Variants in LPA observed in about 807,000 individuals in gnomAD.
The protein encoded by LPA is apolipoprotein(a).
A neutral mutation model predicts 197.9 loss-of-function variants in LPA; 199 were observed. That is an observed-to-expected ratio of 1.01 (90% CI 0.90 to 1.13). The LOEUF (loss-of-function observed/expected upper bound fraction) is 1.13. LPA is among the 50% of genes most tolerant of loss of function. The probability of loss-of-function intolerance (pLI) is 0.00; values close to 1 mark genes in which losing one functional copy is unlikely to be tolerated. For missense variants in LPA, 1,853 were observed against 1,785.8 expected (o/e 1.04, Z -0.68); for synonymous variants, 715 against 639.5 (o/e 1.12, Z -1.78).
intron 28 of LPA, among the ~76,000 whole-genome samples, chr6:160,563,608 G>A (rs372213497): frequency 2.6e-5 from 4 of 152,248 alleles, no homozygotes; most frequent in South Asian, 2.1e-4. Context: ...CTGAATTCAC[G>A]TCCTGAATAT....
At chr6:160,577,470 A>G (rs1192374878) in intron 27 of LPA, among the ~76,000 whole-genome samples, 175 bp from the exon 28 acceptor site, 10 of 152,226 alleles carry the variant, frequency 6.6e-5, no homozygotes, top group African/African-American at 2.4e-4. Flanking sequence ...TAGAATTTTA[A>G]TAAGTTCATA....
chr6:160,587,203 T>C (rs560190151), intron 24 of LPA, among the ~76,000 whole-genome samples: 2 of 152,346 alleles, frequency 1.3e-5, no homozygotes, highest in South Asian at 2.1e-4. Context: ...CTGTTACTCA[T>C]GATGGTGATG....
At position 160,535,209 on chromosome 6, in the gene LPA, TACA is replaced by T. The variant is rs1554230068; in HGVS notation, c.5843-2563_5843-2561del. Among the ~76,000 whole-genome samples, 61 of 143,354 alleles carry T rather than the reference TACA, an allele frequency of 4.3e-4. 1 individual carries two copies. The highest frequency in any genetic ancestry group is 4.5e-4 in the Non-Finnish European group (30 of 66,246). 94.0% of individuals were successfully genotyped at this position (143,354 alleles called of 152,430 possible). On this transcript the variant is annotated intron_variant, in intron 37 of 38. Transcript: ENST00000316300. Reference sequence around the variant, plus strand: ...ATAGTGATGGTGGTAGTAATGATAATACAGATGAGGAAATATAGAGGATAGTGA... The same window carrying T: ...ATAGTGATGGTGGTAGTAATGATAATGATGAGGAAATATAGAGGATAGTGA...
rs951345447 is a variant in LPA, at chr6:160,533,428, G to A, written c.5843-779C>T. Among the ~76,000 whole-genome samples the A allele has an allele frequency of 5.9e-5, 9 of 152,156 alleles. No homozygotes were observed. The South Asian group carries it at 8.3e-4, about 14-fold the overall frequency. ...GTTCTTCAGTTGAGGAAACTGAGGC[G>A]TAAGGAGGTTGTATAGCTCAGCTTG... On this transcript the variant is annotated intron_variant, in intron 37 of 38. Coordinates refer to ENST00000316300, the MANE Select transcript of LPA (RefSeq NM_005577.4).
intron 24 of LPA, among the ~76,000 whole-genome samples, chr6:160,588,105 G>A (rs1354419560): frequency 6.6e-6 from 1 of 151,956 alleles, no homozygotes; most frequent in Non-Finnish European, 1.5e-5. Context: ...TAATTTCTGG[G>A]CCTGTTTGTG....
At chr6:160,654,041 ATAATATATAATATATTATATATATT>A (rs1780075461) in intron 1 of LPA, among the ~76,000 whole-genome samples, 1 of 13,634 alleles carries the variant, frequency 7.3e-5, no homozygotes, top group African/African-American at 4.5e-4. Context: ...TATATTATAT[ATAATATATAATATATTATATATATT>A]ATATATAATA....
chr6:160,595,499 A>T lies in LPA; in HGVS notation c.3324T>A (p.Ala1108=). 1 of 1,613,854 alleles carries T rather than the reference A, an allele frequency of 6.2e-7. No homozygotes were observed. The highest frequency in any genetic ancestry group is 8.5e-7 in the Non-Finnish European group (1 of 1,179,800). ...LTRNYCRNPD[A]EIRPWCYTMD... is the part of the protein sequence containing the mutation. Reference sequence around the variant, plus strand: ...TGGTGTAACACCAAGGGCGAATCTCAGCATCTGGATTCCTGCAGTAGTTCC... The same window carrying T: ...TGGTGTAACACCAAGGGCGAATCTCTGCATCTGGATTCCTGCAGTAGTTCC... Residue 1108 remains alanine (A), a synonymous_variant, in exon 21 of 39, where the codon GCT becomes GCA. Transcript: ENST00000316300.
chr6:160,575,668 G>A (rs1197897453), intron 28 of LPA, among the ~76,000 whole-genome samples: 1 of 152,092 alleles, frequency 6.6e-6, no homozygotes. Flanking sequence ...CCCAAGATTT[G>A]CAATGAGGTC....
At chr6:160,545,660 CATT>C in intron 32 of LPA, 127 bp from the exon 33 acceptor site, 1 of 708,484 alleles carries the variant, frequency 1.4e-6, no homozygotes, top group Non-Finnish European at 2.6e-6. Context: ...TCCTTTCTAT[CATT>C]ATTATATTTT....
rs185961009 is a variant in LPA, at chr6:160,562,954, C to G, written c.4632-5383G>C. ...TTTATTGTGTCTATTTGATTCTTCT[C>G]TATTTTCTTCTTTATTAGTCTGGCT... On this transcript the variant is annotated intron_variant, in intron 28 of 38. Transcript: ENST00000316300. 6.1e-3 allele frequency among the ~76,000 whole-genome samples: 934 copies of G among 152,208 alleles called. 8 individuals carry two copies. Among genetic ancestry groups the G allele is most frequent in the Admixed American group, 0.017 (258 of 15,278 alleles).
chr6:160,578,464 G>T (rs547586738), intron 27 of LPA, 59 bp downstream of exon 27: 192 of 1,603,808 alleles, frequency 1.2e-4, no homozygotes, highest in Non-Finnish European at 1.5e-4. Flanking sequence ...TTCTGCATCA[G>T]TAAGATTTTC....
At chr6:160,608,879 G>C (rs922385901) in intron 16 of LPA, among the ~76,000 whole-genome samples, 1 of 151,706 alleles carries the variant, frequency 6.6e-6, no homozygotes, top group Non-Finnish European at 1.5e-5. Context: ...GTATGGGTGT[G>C]TTGTATGTGT....
At chr6:160,599,808 CACAA>C (rs998528444) in intron 19 of LPA, 149 bp from the exon 20 acceptor site, 3 of 775,842 alleles carry the variant, frequency 3.9e-6, no homozygotes, top group Non-Finnish European at 4.2e-6. Flanking sequence ...TGAGAAAACA[CACAA>C]ACAAACACGA....
chr6:160,570,704 T>A (rs1407924194), intron 28 of LPA, among the ~76,000 whole-genome samples: 3 of 152,198 alleles, frequency 2.0e-5, no homozygotes, highest in African/African-American at 7.2e-5. Flanking sequence ...TGCAGGAAGA[T>A]CCACTGTTAG....
At chr6:160,553,724 T>G (rs1562319072) in intron 30 of LPA, among the ~76,000 whole-genome samples, 1 of 152,218 alleles carries the variant, frequency 6.6e-6, no homozygotes, top group Non-Finnish European at 1.5e-5. Flanking sequence ...TTCATTGAGC[T>G]TCTTGACTGT....
At chr6:160,552,747 T>A (rs1369784160) in intron 30 of LPA, among the ~76,000 whole-genome samples, 1 of 152,230 alleles carries the variant, frequency 6.6e-6, no homozygotes, top group African/African-American at 2.4e-5. Context: ...AGAGTATTTA[T>A]TCTAAAAAGA....
chr6:160,584,164 T>A (rs1480577849), intron 26 of LPA, among the ~76,000 whole-genome samples: 1 of 147,808 alleles, frequency 6.8e-6, no homozygotes, highest in African/African-American at 2.5e-5. Flanking sequence ...ATGCACTCAT[T>A]TCTATTTTCT....
intron 34 of LPA, among the ~76,000 whole-genome samples, chr6:160,542,110 G>T (rs1266956914): frequency 6.6e-6 from 1 of 152,154 alleles, no homozygotes; most frequent in Non-Finnish European, 1.5e-5. Flanking sequence ...CTTACGAATT[G>T]CATGTTCCAC....
intron 1 of LPA, among the ~76,000 whole-genome samples, chr6:160,656,401 T>G (rs1412043374): frequency 2.6e-5 from 4 of 152,160 alleles, no homozygotes; most frequent in Non-Finnish European, 5.9e-5. Context: ...CTATACAAAT[T>G]ATGCATTTTG....
Sources: allele counts gnomAD v4.1 joint callset (sites outside exome capture counted in the v4.1 genomes callset), GRCh38; gene constraint gnomAD v4.1.1; transcripts MANE v1.5; gene names NCBI Gene and HGNC (gene_info 2026-07-23, HGNC 2026-07-21).